Variants in HDAC1 observed in about 807,000 individuals in gnomAD.
HDAC1 encodes the protein protein deacetylase HDAC1.
In HDAC1, 18 loss-of-function variants were observed where a neutral mutation model predicts 65.5. The observed-to-expected ratio is 0.27, with a 90% CI of 0.19 to 0.41. The LOEUF (loss-of-function observed/expected upper bound fraction) is 0.41, where lower values mean the gene tolerates loss of function less well. Ranked by LOEUF, HDAC1 falls within the 10% of genes least tolerant of loss-of-function variation. HDAC1 has a pLI of 1.00. For missense variants in HDAC1, 373 were observed against 625.2 expected, an observed-to-expected ratio of 0.60 and a Z score of 4.30; for synonymous variants, 211 against 227.9, an observed-to-expected ratio of 0.93 and a Z score of 0.67.
intron 1 of HDAC1, among the ~76,000 whole-genome samples, chr1:32,294,081 AC>A (rs1487130407): frequency 7.2e-4 from 109 of 151,460 alleles, no homozygotes; most frequent in African/African-American, 2.6e-3. Context: ...AAAAAAAAAA[AC>A]AAAAAAATTC....
chr1:32,327,251 C>G lies in HDAC1; in HGVS notation c.494+174C>G. 1 of 655,928 alleles carries G rather than the reference C, an allele frequency of 1.5e-6. No homozygotes were observed. Among genetic ancestry groups the G allele is most frequent in the South Asian group, 1.9e-5 (1 of 53,284 alleles). The allele number at this position is 655,928 out of a possible 1,614,324, so 40.6% of individuals were successfully genotyped here. A position where few individuals can be genotyped will look rare whatever the true frequency, so the allele number is the denominator to read the frequency against. On this transcript the variant is annotated intron_variant, in intron 5 of 13. Transcript: ENST00000373548. This position sits in a 1 kb window ranked among gnomAD's most constrained non-coding sequence, Gnocchi z 6.0. ...TGATGGGGTCTTGGTTTGATCTGAG[C>G]CACGGCATGATCAGGGGCAGATGCT...
At chr1:32,314,825 C>CA (rs34315355) in intron 2 of HDAC1, among the ~76,000 whole-genome samples, 7,778 of 63,450 alleles carry the variant, frequency 0.12, 540 homozygotes, top group African/African-American at 0.27. Context: ...GACTCCGTCT[C>CA]AAAAAAAAAA....
chr1:32,297,715 A>G (rs1377070442), intron 1 of HDAC1, among the ~76,000 whole-genome samples: 2 of 147,412 alleles, frequency 1.4e-5, no homozygotes, highest in African/African-American at 2.5e-5. Flanking sequence ...GGTTCATGCC[A>G]TTCTCCTGCC....
At chr1:32,306,823 A>G (rs138137602) in intron 2 of HDAC1, among the ~76,000 whole-genome samples, 18 of 152,244 alleles carry the variant, frequency 1.2e-4, no homozygotes, top group Non-Finnish European at 2.4e-4. Flanking sequence ...TATCCTATAT[A>G]TGTTATATTT....
intron 13 of HDAC1, 39 bp from the exon 14 acceptor site, chr1:32,332,978 G>A: frequency 6.2e-7 from 1 of 1,611,460 alleles, no homozygotes; most frequent in Non-Finnish European, 8.5e-7. Flanking sequence ...TGAGGCTCTG[G>A]GCTGGGTCAT....
At chr1:32,323,530 C>T (rs1377882914) in intron 3 of HDAC1, among the ~76,000 whole-genome samples, 4 of 151,888 alleles carry the variant, frequency 2.6e-5, no homozygotes, top group African/African-American at 9.7e-5. Context: ...CCCAAGTAGC[C>T]GGGATTACAG....
At chr1:32,317,222 C>A (rs547127440) in intron 3 of HDAC1, among the ~76,000 whole-genome samples, 5 of 152,286 alleles carry the variant, frequency 3.3e-5, no homozygotes, top group African/African-American at 1.2e-4. Flanking sequence ...AATTTAGAGG[C>A]CACTCAGGAC....
In HDAC1 at chr1:32,330,759, C is replaced by T; in HGVS notation, c.839-9C>T. On this transcript the variant is annotated splice_polypyrimidine_tract_variant and intron_variant, in intron 8 of 13. Transcript: ENST00000373548. The surrounding 1 kb of genome is among the most constrained non-coding windows in gnomAD (Gnocchi z 4.2). ...CTCCTGTAACTCAGCACCCCTTCTC[C>T]CACCAAAGGACACGCCAAGTGTGTG... The T allele has an allele frequency of 1.2e-6, 2 of 1,614,142 alleles. No individual in the cohort carries two copies. The highest frequency in any genetic ancestry group is 2.2e-5 in the East Asian group (1 of 44,886).
At chr1:32,293,921 A>T (rs1425401612) in intron 1 of HDAC1, among the ~76,000 whole-genome samples, 1 of 149,630 alleles carries the variant, frequency 6.7e-6, no homozygotes, top group African/African-American at 2.5e-5. Flanking sequence ...AAAAAAAATT[A>T]GCGAGGTGTG....
chr1:32,325,855 A>G (rs1641209682), intron 4 of HDAC1, among the ~76,000 whole-genome samples: 3 of 152,182 alleles, frequency 2.0e-5, no homozygotes, highest in African/African-American at 7.2e-5. Context: ...GTGAAACCCC[A>G]TCTATACTAA....
In HDAC1 at chr1:32,329,224, A is replaced by G. The variant is rs766779679; in HGVS notation, c.729+64A>G. 5.4e-6 allele frequency: 5 copies of G among 924,654 alleles called. No individual in the cohort carries two copies. Among genetic ancestry groups the G allele is most frequent in the Admixed American group, 1.7e-5 (1 of 59,064 alleles). The allele number at this position is 924,654 out of a possible 1,614,324, so 57.3% of individuals were successfully genotyped here. On this transcript the variant is annotated intron_variant, in intron 7 of 13. Coordinates refer to ENST00000373548, the MANE Select transcript of HDAC1 (RefSeq NM_004964.3). The surrounding 1 kb of genome is among the most constrained non-coding windows in gnomAD (Gnocchi z 4.1). The stretch of plus-strand genomic sequence containing the variant: ...GATTGGTTGGCGGTGGAGGGGAGCA[A>G]AGCACCCCCACCATACCTCAGGAAT...
intron 2 of HDAC1, among the ~76,000 whole-genome samples, chr1:32,305,380 A>G (rs1325543479): frequency 2.0e-5 from 3 of 152,202 alleles, no homozygotes; most frequent in African/African-American, 7.2e-5. Context: ...GGGTCAGGAC[A>G]TATGCACATA....
intron 2 of HDAC1, among the ~76,000 whole-genome samples, chr1:32,308,474 G>A (rs1640942016): frequency 6.6e-6 from 1 of 152,168 alleles, no homozygotes; most frequent in South Asian, 2.1e-4. Context: ...CTCCAAGTGA[G>A]ATTTAATTTG....
At chr1:32,332,630 G>A in intron 12 of HDAC1, 71 bp from the exon 13 acceptor site, 1 of 1,116,848 alleles carries the variant, frequency 9.0e-7, no homozygotes, top group Non-Finnish European at 1.3e-6. Context: ...AGGGGTCTCA[G>A]GGTAAATGAA....
At chr1:32,297,938 T>C (rs1570000488) in intron 1 of HDAC1, among the ~76,000 whole-genome samples, 1 of 149,306 alleles carries the variant, frequency 6.7e-6, no homozygotes, top group Non-Finnish European at 1.5e-5. Context: ...TACAGGCGCC[T>C]ACCACCACAC....
intron 1 of HDAC1, among the ~76,000 whole-genome samples, chr1:32,301,665 G>A (rs1640850565): frequency 6.6e-6 from 1 of 151,938 alleles, no homozygotes; most frequent in African/African-American, 2.4e-5. Context: ...AGCTACTTGA[G>A]AGGCTGAGGC....
intron 2 of HDAC1, among the ~76,000 whole-genome samples, chr1:32,308,809 C>T (rs983753923): frequency 6.6e-6 from 1 of 151,512 alleles, no homozygotes; most frequent in Non-Finnish European, 1.5e-5. Context: ...TGAGCCACGG[C>T]GCCTGGCCCG....
chr1:32,315,543 A>G (rs1018748762), intron 2 of HDAC1, among the ~76,000 whole-genome samples: 17 of 151,218 alleles, frequency 1.1e-4, no homozygotes, highest in African/African-American at 3.6e-4. Context: ...AGTAGAGACC[A>G]GATTTCATCA....
chr1:32,314,997 A>G (rs1641040429), intron 2 of HDAC1, among the ~76,000 whole-genome samples: 1 of 152,124 alleles, frequency 6.6e-6, no homozygotes. Flanking sequence ...TTCTTTATAC[A>G]TTGTTTTGCC....
Sources: allele counts gnomAD v4.1 joint callset (sites outside exome capture counted in the v4.1 genomes callset), GRCh38; gene constraint gnomAD v4.1.1; non-coding constraint Gnocchi (gnomAD v3.1); transcripts MANE v1.5; gene names NCBI Gene and HGNC (gene_info 2026-07-23, HGNC 2026-07-21).